POLR2M: variants seen among roughly 807,000 people sequenced by gnomAD.
POLR2M encodes the protein protein GRINL1A.
A neutral mutation model predicts 34.6 loss-of-function variants in POLR2M; 30 were observed. The ratio of observed to expected loss-of-function variants is 0.87; its 90% CI spans 0.65 to 1.18. The LOEUF is 1.18. POLR2M is among the 50% of genes most tolerant of loss of function. POLR2M has a pLI of 0.00. For synonymous variants in POLR2M, 150 were observed against 166.7 expected, an observed-to-expected ratio of 0.90 and a Z score of 0.77; for missense variants, 432 against 448.7, an observed-to-expected ratio of 0.96 and a Z score of 0.34.
intron 2 of POLR2M, among the ~76,000 whole-genome samples, chr15:57,711,105 G>T (rs899081052): frequency 1.3e-5 from 2 of 152,068 alleles, no homozygotes; most frequent in Admixed American, 1.3e-4. Context: ...TCTTTCCAAG[G>T]TGATTTCCAT....
intron 3 of POLR2M, 56 bp downstream of exon 3, chr15:57,712,244 G>A (rs1567269072): frequency 3.8e-6 from 6 of 1,591,888 alleles, no homozygotes; most frequent in Admixed American, 1.7e-5. Context: ...ACATAAGCTA[G>A]AATTTACTCC....
chr15:57,706,994 C>A (rs374928862), intron 1 of POLR2M, 39 bp downstream of exon 1: 5 of 1,555,594 alleles, frequency 3.2e-6, no homozygotes, highest in Non-Finnish European at 4.4e-6. Flanking sequence ...CAGGCTCCTT[C>A]AGCTCGAGCT....
At chr15:57,713,997 G>A (rs1317682992) in intron 3 of POLR2M, among the ~76,000 whole-genome samples, 3 of 151,442 alleles carry the variant, frequency 2.0e-5, no homozygotes, top group Non-Finnish European at 4.4e-5. Context: ...ACAGGCACCC[G>A]CCACCACGCC....
chr15:57,707,139 C>A, intron 1 of POLR2M, 184 bp downstream of exon 1: 1 of 1,533,942 alleles, frequency 6.5e-7, no homozygotes, highest in South Asian at 1.2e-5. Flanking sequence ...TCTTCCTGGC[C>A]AGGCACGTAT....
At chr15:57,712,557 C>T (rs139880079) in intron 3 of POLR2M, among the ~76,000 whole-genome samples, 2,222 of 152,252 alleles carry the variant, frequency 0.015, 23 homozygotes, top group Middle Eastern at 0.037. Context: ...CAAACCCAGA[C>T]CCCTTGTTAG....
chr15:57,711,431 C>T (rs1225238465), intron 2 of POLR2M, among the ~76,000 whole-genome samples: 2 of 152,186 alleles, frequency 1.3e-5, no homozygotes, highest in Non-Finnish European at 2.9e-5. Flanking sequence ...CCCTCTTTCT[C>T]GCTGTCTTTT....
At chr15:57,713,325 T>A (rs1383790336) in intron 3 of POLR2M, among the ~76,000 whole-genome samples, 1 of 152,234 alleles carries the variant, frequency 6.6e-6, no homozygotes, top group Non-Finnish European at 1.5e-5. Flanking sequence ...TTAAAATGAC[T>A]GTCTAGTTAT....
intron 3 of POLR2M, among the ~76,000 whole-genome samples, chr15:57,713,774 G>A (rs2040830104): frequency 6.7e-6 from 1 of 149,224 alleles, no homozygotes; most frequent in Non-Finnish European, 1.5e-5. Flanking sequence ...TGTAATTAGG[G>A]AAGAAGGTCC....
In POLR2M at chr15:57,717,274, T is replaced by A. The variant is rs1352121521; in HGVS notation, c.*2595T>A. 1 of 152,230 alleles carries A rather than the reference T, an allele frequency of 6.6e-6. No homozygotes were observed. The highest frequency in any genetic ancestry group is 6.5e-5 in the Admixed American group (1 of 15,286). 9.4% of individuals were successfully genotyped at this position (152,230 alleles called of 1,614,324 possible). On this transcript the variant is annotated 3_prime_UTR_variant, in exon 4 of 4. Transcript: ENST00000299638. ...GTACACAGGTTCTCCCTTGTTCTTT[T>A]AAATTTTGTGAAATATAACTTACAA...
chr15:57,714,769 A>G lies in POLR2M; in HGVS notation c.*90A>G. ...TCAAGATCAGTGTCAGATATTGTTG[A>G]GGGAAGTAATTTTATAAAGTTACAC... On this transcript the variant is annotated 3_prime_UTR_variant, in exon 4 of 4. Transcript: ENST00000299638. 1 of 1,534,004 alleles carries G rather than the reference A, an allele frequency of 6.5e-7. No individual in the cohort carries two copies. The highest frequency in any genetic ancestry group is 8.8e-7 in the Non-Finnish European group (1 of 1,142,664).
chr15:57,710,951 G>A (rs768642138), intron 2 of POLR2M, among the ~76,000 whole-genome samples: 2 of 152,136 alleles, frequency 1.3e-5, no homozygotes, highest in African/African-American at 2.4e-5. Context: ...TGTATCACCT[G>A]GATGCTGGAG....
In POLR2M at chr15:57,712,024, A is replaced by C; in HGVS notation, c.799A>C (p.Lys267Gln). The change falls in exon 3 of 4, where the codon AAG becomes CAG. Residue 267 changes from lysine to glutamine, a missense_variant. Lys to Gln is a moderately conservative substitution (Grantham distance 53, BLOSUM62 1). Transcript: ENST00000299638. ...AAATGATTCATCTAGTCATTGCCAG[A>C]AGAGTGGGTCTCCTATTTCCTCAGA... is the stretch of plus-strand genomic sequence containing the variant. Reference protein sequence around the residue: ...RQNDSSSHCQKSGSPISSEER... With the variant: ...RQNDSSSHCQQSGSPISSEER... 1 of 1,614,064 alleles carries C rather than the reference A, an allele frequency of 6.2e-7. No individual in the cohort carries two copies. The highest frequency in any genetic ancestry group is 8.5e-7 in the Non-Finnish European group (1 of 1,179,934).
rs1303920596 is a variant in POLR2M at position 57,707,131 on chromosome 15, T to C, written c.113+176T>C. On this transcript the variant is annotated intron_variant, in intron 1 of 3. Coordinates refer to ENST00000299638, the MANE Select transcript of POLR2M (RefSeq NM_015532.5). Reference sequence around the variant, plus strand: ...GCTTGCTGCGGCAGAGCCGTGCCTCTTCCTGGCCAGGCACGTATGCCTGCG... The same window carrying C: ...GCTTGCTGCGGCAGAGCCGTGCCTCCTCCTGGCCAGGCACGTATGCCTGCG... 2.0e-6 allele frequency: 3 copies of C among 1,538,404 alleles called. No individual in the cohort carries two copies. The Admixed American group carries it at 6.0e-5, about 31-fold the overall frequency.
rs574972613 is a variant in POLR2M, at chr15:57,708,446, T to C, written c.114-268T>C. Reference sequence around the variant, plus strand: ...CTTGGAATGTCTTATGTGATTATTATATGCTTAAAATACTTTTGCTGAAAT... The same window carrying C: ...CTTGGAATGTCTTATGTGATTATTACATGCTTAAAATACTTTTGCTGAAAT... On this transcript the variant is annotated intron_variant, in intron 1 of 3. Transcript: ENST00000299638. Among the ~76,000 whole-genome samples, 21 of 152,366 alleles carry C rather than the reference T, an allele frequency of 1.4e-4. No individual in the cohort carries two copies. In the South Asian group the frequency reaches 4.3e-3, roughly 32 times the overall value.
intron 2 of POLR2M, among the ~76,000 whole-genome samples, chr15:57,711,255 G>A (rs1193837799): frequency 1.3e-5 from 2 of 151,866 alleles, no homozygotes; most frequent in South Asian, 2.1e-4. Flanking sequence ...ATCTTCTGTC[G>A]AAGTGAAGAC....
At chr15:57,707,148 A>G (rs994960176) in intron 1 of POLR2M, 193 bp downstream of exon 1, 3 of 1,527,666 alleles carry the variant, frequency 2.0e-6, no homozygotes, top group Non-Finnish European at 2.6e-6. Context: ...CCAGGCACGT[A>G]TGCCTGCGAG....
At chr15:57,713,971 G>A (rs2040844564) in intron 3 of POLR2M, among the ~76,000 whole-genome samples, 1 of 151,196 alleles carries the variant, frequency 6.6e-6, no homozygotes. Flanking sequence ...TGTGAACCCG[G>A]GAACACGCCG....
intron 2 of POLR2M, 125 bp from the exon 3 acceptor site, chr15:57,711,859 A>T: frequency 8.7e-7 from 1 of 1,153,234 alleles, no homozygotes; most frequent in South Asian, 1.6e-5. Flanking sequence ...GAATACTGGT[A>T]AATTACTTAC....
chr15:57,713,820 C>CTTTTTTTTTTTTTTTTT (rs869161314), intron 3 of POLR2M, among the ~76,000 whole-genome samples: 2 of 65,640 alleles, frequency 3.0e-5, no homozygotes, highest in Non-Finnish European at 5.4e-5. Flanking sequence ...ATTAGTCCTT[C>CTTTTTTTTTTTTTTTTT]TTTTTTTTTT....
Sources: allele counts gnomAD v4.1 joint callset (sites outside exome capture counted in the v4.1 genomes callset), GRCh38; gene constraint gnomAD v4.1.1; transcripts MANE v1.5; gene names NCBI Gene and HGNC (gene_info 2026-07-23, HGNC 2026-07-21).